The following PDE10A variants were observed in gnomAD, a reference collection of about 807,000 sequenced individuals.
PDE10A encodes phosphodiesterase 10A.
Under a neutral mutation model 97.7 loss-of-function variants are expected in PDE10A, and 39 were observed. That is an observed-to-expected ratio of 0.40 (90% CI 0.31 to 0.52). The LOEUF is 0.52. Ranked by LOEUF, PDE10A falls within the 20% of genes least tolerant of loss-of-function variation. The probability of loss-of-function intolerance (pLI) is 0.56; values close to 1 mark genes in which losing one functional copy is unlikely to be tolerated. For missense variants in PDE10A, 731 were observed against 1,047.8 expected, an observed-to-expected ratio of 0.70 and a Z score of 4.17; for synonymous variants, 371 against 376.8, an observed-to-expected ratio of 0.98 and a Z score of 0.18.
In PDE10A at chr6:165,536,941, A is replaced by G. The variant is rs184764929; in HGVS notation, c.994+6499T>C. Among the ~76,000 whole-genome samples, 62 of 152,118 alleles carry G rather than the reference A, an allele frequency of 4.1e-4. No individual in the cohort carries two copies. In the East Asian group the frequency reaches 0.011, roughly 28 times the overall value. On this transcript the variant is annotated intron_variant, in intron 2 of 21. Transcript: ENST00000539869. ...ACCATAAAATGCAGTGGTACTGCTA[A>G]CTATATATCTCAAAGAAAGGAAATC...
intron 1 of PDE10A, among the ~76,000 whole-genome samples, chr6:165,892,941 C>T (rs1418000439): frequency 1.3e-5 from 2 of 152,186 alleles, no homozygotes; most frequent in African/African-American, 4.8e-5. Flanking sequence ...CTTTCTGACC[C>T]ATGCAAGCAC....
chr6:165,457,510 A>T (rs1778029099), intron 3 of PDE10A, among the ~76,000 whole-genome samples: 1 of 152,210 alleles, frequency 6.6e-6, no homozygotes. Flanking sequence ...GTGATCTAAT[A>T]TTAAAACTGA....
chr6:165,543,792 G>A (rs1000368510), intron 1 of PDE10A, among the ~76,000 whole-genome samples: 27 of 151,966 alleles, frequency 1.8e-4, no homozygotes, highest in Admixed American at 4.6e-4. Flanking sequence ...GCCCAACATT[G>A]GGAATATACG....
intron 1 of PDE10A, among the ~76,000 whole-genome samples, chr6:165,854,708 G>A (rs1388865486): frequency 6.6e-6 from 1 of 152,202 alleles, no homozygotes; most frequent in Non-Finnish European, 1.5e-5. Flanking sequence ...GCCCGCAGAA[G>A]CCCCAGAGGC....
intron 3 of PDE10A, among the ~76,000 whole-genome samples, chr6:165,461,452 A>G (rs1474650296): frequency 6.6e-6 from 1 of 152,156 alleles, no homozygotes; most frequent in African/African-American, 2.4e-5. Flanking sequence ...GACGCCCTAT[A>G]CTTCAGCTCA....
chr6:165,825,103 G>A lies in PDE10A; in HGVS notation c.-615+162426C>T, dbSNP rs536124119. ...GTGGAGGTTGCAGTGAGCTGAGATC[G>A]CACCACTGCACTCCAGCCTGGGCAA... On this transcript the variant is annotated intron_variant, in intron 1 of 19. Coordinates refer to the PDE10A transcript ENST00000366882. Among the ~76,000 whole-genome samples, 21 of 141,562 alleles carry A rather than the reference G, an allele frequency of 1.5e-4. No homozygotes were observed. The South Asian group carries it at 3.1e-3, about 21-fold the overall frequency. 92.9% of individuals were successfully genotyped at this position (141,562 alleles called of 152,430 possible).
intron 1 of PDE10A, among the ~76,000 whole-genome samples, chr6:165,827,301 G>T (rs1779789407): frequency 6.6e-6 from 1 of 152,228 alleles, no homozygotes; most frequent in Non-Finnish European, 1.5e-5. Context: ...GAGGTGCAGG[G>T]GTGACGCGGG....
chr6:165,955,051 G>A (rs1441126167), intron 1 of PDE10A, among the ~76,000 whole-genome samples: 1 of 152,056 alleles, frequency 6.6e-6, no homozygotes, highest in Non-Finnish European at 1.5e-5. Flanking sequence ...GGCCATTAAG[G>A]ACTTTGAGAA....
chr6:165,672,918 G>C (rs567707229), intron 1 of PDE10A, among the ~76,000 whole-genome samples: 1 of 152,254 alleles, frequency 6.6e-6, no homozygotes, highest in East Asian at 1.9e-4. Context: ...TCATAAGTTG[G>C]GAACCATTTG....
chr6:165,606,153 G>A (rs1274522209), intron 1 of PDE10A, among the ~76,000 whole-genome samples: 136 of 113,212 alleles, frequency 1.2e-3, no homozygotes, highest in South Asian at 2.5e-3. Flanking sequence ...ACGAACAAGC[G>A]AAAAAAAAAA....
chr6:165,609,693 A>G (rs1246361787), intron 1 of PDE10A, among the ~76,000 whole-genome samples: 4 of 152,230 alleles, frequency 2.6e-5, no homozygotes, highest in African/African-American at 7.2e-5. Flanking sequence ...CAAAAATCAC[A>G]AGCATTCTTA....
chr6:165,426,242 G>T (rs968946687), intron 10 of PDE10A, among the ~76,000 whole-genome samples: 2 of 152,116 alleles, frequency 1.3e-5, no homozygotes, highest in Non-Finnish European at 2.9e-5. Flanking sequence ...AGAGCTAAAA[G>T]AATCTTGAAA....
At chr6:165,737,540 G>T (rs1042502421) in intron 1 of PDE10A, among the ~76,000 whole-genome samples, 1 of 151,974 alleles carries the variant, frequency 6.6e-6, no homozygotes, top group Non-Finnish European at 1.5e-5. Flanking sequence ...CAGAATGAAA[G>T]AAAAAAATAT....
intron 1 of PDE10A, among the ~76,000 whole-genome samples, chr6:165,792,055 C>T (rs960665009): frequency 6.6e-5 from 10 of 152,176 alleles, no homozygotes; most frequent in African/African-American, 2.4e-4. Flanking sequence ...GCCTGCCTGC[C>T]GGTCATGGCT....
At chr6:165,440,057 GAAA>G (rs199891521) in intron 5 of PDE10A, among the ~76,000 whole-genome samples, 1 of 150,586 alleles carries the variant, frequency 6.6e-6, no homozygotes, top group African/African-American at 2.4e-5. Context: ...TTCTTAAGAA[GAAA>G]AAAAAAGTAT....
At chr6:165,690,867 A>G (rs1343919501) in intron 1 of PDE10A, among the ~76,000 whole-genome samples, 1 of 152,020 alleles carries the variant, frequency 6.6e-6, no homozygotes, top group Non-Finnish European at 1.5e-5. Context: ...GCTTCTGGAG[A>G]GACTAATATT....
intron 1 of PDE10A, among the ~76,000 whole-genome samples, chr6:165,717,371 C>T (rs917808939): frequency 3.3e-5 from 5 of 152,148 alleles, no homozygotes; most frequent in Non-Finnish European, 4.4e-5. Context: ...GGGTGGATCA[C>T]CTGAAGTCAG....
chr6:165,984,865 G>C (rs1054848745), intron 1 of PDE10A, among the ~76,000 whole-genome samples: 1 of 152,182 alleles, frequency 6.6e-6, no homozygotes, highest in African/African-American at 2.4e-5. Context: ...TGCCCTTTCC[G>C]GGCATGGCCG....
intron 1 of PDE10A, among the ~76,000 whole-genome samples, chr6:165,905,056 C>T (rs996242544): frequency 6.6e-6 from 1 of 152,082 alleles, no homozygotes; most frequent in Non-Finnish European, 1.5e-5. Context: ...ATGTTATTTA[C>T]TGTATACAAG....
Sources: gnomAD v4.1 joint callset for allele counts (sites outside exome capture counted in the v4.1 genomes callset) on GRCh38, gnomAD v4.1.1 for gene constraint, MANE v1.5 for transcripts, NCBI Gene and HGNC (gene_info 2026-07-23, HGNC 2026-07-21) for gene names.